The following TCF7L2 variants were observed in gnomAD, a reference collection of about 807,000 sequenced individuals.
TCF7L2 encodes the protein transcription factor 7-like 2.
TCF7L2 carries 23 observed loss-of-function variants against 77.9 expected under a neutral mutation model. That is an observed-to-expected ratio of 0.30 (90% CI 0.21 to 0.42). The LOEUF (loss-of-function observed/expected upper bound fraction) is 0.42. Among genes scored for constraint, TCF7L2 ranks in the 10% least tolerant of loss-of-function variants. TCF7L2 has a pLI of 1.00. For missense variants in TCF7L2, 654 were observed against 793.1 expected, an observed-to-expected ratio of 0.82 and a Z score of 2.11; for synonymous variants, 413 against 340.2, an observed-to-expected ratio of 1.21 and a Z score of -2.36.
chr10:113,081,461 C>A (rs894537858), intron 5 of TCF7L2, among the ~76,000 whole-genome samples: 2 of 152,196 alleles, frequency 1.3e-5, no homozygotes, highest in Non-Finnish European at 2.9e-5. Context: ...AATGTTCTTC[C>A]ATAGCCAGTC....
At chr10:113,107,240 G>T (rs1177749064) in intron 5 of TCF7L2, among the ~76,000 whole-genome samples, 1 of 152,308 alleles carries the variant, frequency 6.6e-6, no homozygotes, top group East Asian at 1.9e-4. Flanking sequence ...GACTAATCCA[G>T]CTCGGCTGGG....
rs765636957 is a variant in TCF7L2, at chr10:113,040,109, T to C, written c.535T>C (p.Ser179Pro). 1 of 1,613,770 alleles carries C rather than the reference T, an allele frequency of 6.2e-7. No homozygotes were observed. Among genetic ancestry groups the C allele is most frequent in the African/African-American group, 1.3e-5 (1 of 74,924 alleles). ...AGCCCTCAAGGATGCCCGGTCCCCA[T>C]CACCGGCACACATTGTCGTAAGTAA... The change falls in exon 5 of 14, where the codon TCA becomes CCA. Residue 179 changes from serine to proline, a missense_variant. Ser to Pro is a moderately conservative substitution (Grantham distance 74). Around this residue, in one of 6 missense-constraint regions of TCF7L2, gnomAD observed 179 missense variants for 270.6 expected, o/e 0.66. Coordinates refer to ENST00000627217, the MANE Select transcript of TCF7L2 (RefSeq NM_001146274.2).
chr10:113,135,965 C>A (rs1263581912), intron 5 of TCF7L2, among the ~76,000 whole-genome samples: 1 of 152,006 alleles, frequency 6.6e-6, no homozygotes, highest in Non-Finnish European at 1.5e-5. Flanking sequence ...TTGGGTGCAT[C>A]TCCCTAGATG....
chr10:112,982,039 G>A lies in TCF7L2; in HGVS notation c.450+17415G>A, dbSNP rs185976518. 3.0e-4 allele frequency among the ~76,000 whole-genome samples: 46 copies of A among 152,242 alleles called. No homozygotes were observed. The East Asian group carries it at 8.5e-3, about 28-fold the overall frequency. On this transcript the variant is annotated intron_variant, in intron 4 of 13. Transcript: ENST00000627217. ...TTTGCTTCTTATGTAATACGTCTGT[G>A]GACTATTTTGGAAACATCTAGATGA...
In TCF7L2 at chr10:113,157,897, G is replaced by A. The variant is rs1195930144; in HGVS notation, c.1270-124G>A. On this transcript the variant is annotated intron_variant, in intron 11 of 13. Transcript: ENST00000627217. ...GGTTGGAGGTTGGACAAATACCGGG[G>A]GTTTGTGTGGATGGAGATGGCAGTA... 19 of 993,396 alleles carry A rather than the reference G, an allele frequency of 1.9e-5. No individual in the cohort carries two copies. In the South Asian group the frequency reaches 2.9e-4, roughly 15 times the overall value. 61.5% of individuals were successfully genotyped at this position (993,396 alleles called of 1,614,324 possible).
chr10:113,158,675 G>A (rs761567180), intron 12 of TCF7L2: 6 of 1,613,734 alleles, frequency 3.7e-6, no homozygotes, highest in Middle Eastern at 3.3e-4. Context: ...AGAACACAGC[G>A]AATGTTTCCT....
intron 5 of TCF7L2, among the ~76,000 whole-genome samples, chr10:113,103,320 G>T (rs551480128): frequency 6.6e-6 from 1 of 152,246 alleles, no homozygotes; most frequent in South Asian, 2.1e-4. Context: ...TTTATTACCG[G>T]AAGTTGTGGC....
At chr10:113,097,660 A>T (rs984108008) in intron 5 of TCF7L2, among the ~76,000 whole-genome samples, 2 of 143,364 alleles carry the variant, frequency 1.4e-5, no homozygotes, top group Admixed American at 7.0e-5. Flanking sequence ...AAAAAAAAAA[A>T]AAAAAAAAAA....
At chr10:113,018,068 G>A (rs953241826) in intron 4 of TCF7L2, among the ~76,000 whole-genome samples, 7 of 152,162 alleles carry the variant, frequency 4.6e-5, no homozygotes, top group Non-Finnish European at 8.8e-5. Context: ...GGGAACTATG[G>A]TCACTAAGAG....
At chr10:113,155,163 A>G (rs567094450) in intron 11 of TCF7L2, among the ~76,000 whole-genome samples, 2 of 152,292 alleles carry the variant, frequency 1.3e-5, no homozygotes, top group East Asian at 3.9e-4. Context: ...TTAGGACAAC[A>G]GAATTGAGTG....
intron 6 of TCF7L2, 83 bp downstream of exon 6, chr10:113,141,399 G>C (rs2068351573): frequency 6.3e-7 from 1 of 1,587,822 alleles, no homozygotes; most frequent in African/African-American, 1.3e-5. Context: ...AGGAACCCCA[G>C]GGGTGGAGCA....
chr10:113,007,454 CTCAAAGCCTTTGA>C (rs1391053750), intron 4 of TCF7L2, among the ~76,000 whole-genome samples: 1 of 152,244 alleles, frequency 6.6e-6, no homozygotes, highest in Admixed American at 6.5e-5. Flanking sequence ...CCTCACCACA[CTCAAAGCCTTTGA>C]TCTTTTGCTT....
chr10:112,951,341 CGGCCCCGCGCCCGGCTCGGCCT>C (rs1408614389), intron 2 of TCF7L2, 68 bp downstream of exon 2: 15 of 983,254 alleles, frequency 1.5e-5, no homozygotes, highest in Admixed American at 6.4e-5. Flanking sequence ...CCGCGCGCCC[CGGCCCCGCGCCCGGCTCGGCCT>C]GGCCCTGCGC....
chr10:113,152,267 G>A (rs2070913241), intron 10 of TCF7L2, 66 bp from the exon 11 acceptor site: 2 of 1,372,796 alleles, frequency 1.5e-6, no homozygotes, highest in Non-Finnish European at 2.1e-6. Flanking sequence ...GGCGTAATGT[G>A]TGATGTTCTT....
At chr10:113,146,684 A>G (rs528122122) in intron 8 of TCF7L2, among the ~76,000 whole-genome samples, 5 of 152,030 alleles carry the variant, frequency 3.3e-5, no homozygotes, top group Admixed American at 6.5e-5. Flanking sequence ...TCAATGCAAT[A>G]TAGCCAAAAT....
At chr10:113,129,275 A>C (rs1363080699) in intron 5 of TCF7L2, 6 of 983,386 alleles carry the variant, frequency 6.1e-6, no homozygotes, top group Non-Finnish European at 7.2e-6. Flanking sequence ...TCTTGCAGAT[A>C]AAGTGCCTGC....
chr10:113,018,610 G>A (rs545355562), intron 4 of TCF7L2, among the ~76,000 whole-genome samples: 9 of 152,036 alleles, frequency 5.9e-5, no homozygotes, highest in African/African-American at 2.2e-4. Flanking sequence ...GGGATCACAG[G>A]TGCCCACTAC....
chr10:112,989,316 C>T (rs1039201484), intron 4 of TCF7L2, among the ~76,000 whole-genome samples: 1 of 151,370 alleles, frequency 6.6e-6, no homozygotes, highest in Non-Finnish European at 1.5e-5. Flanking sequence ...GTCTGGCTTC[C>T]CTTAGCAACC....
chr10:113,059,735 T>A (rs2056110836), intron 5 of TCF7L2, among the ~76,000 whole-genome samples: 2 of 152,064 alleles, frequency 1.3e-5, no homozygotes, highest in African/African-American at 4.8e-5. Flanking sequence ...TATTAACTGT[T>A]TACTGCCCAA....
Sources: allele counts gnomAD v4.1 joint callset (sites outside exome capture counted in the v4.1 genomes callset), GRCh38; gene constraint gnomAD v4.1.1; regional missense constraint gnomAD v4.1.1; transcripts MANE v1.5; gene names NCBI Gene and HGNC (gene_info 2026-07-23, HGNC 2026-07-21).